The following ZDHHC2 variants were observed in gnomAD, a reference collection of about 807,000 sequenced individuals.
ZDHHC2 encodes palmitoyltransferase ZDHHC2.
A neutral mutation model predicts 55.6 loss-of-function variants in ZDHHC2; 51 were observed. That is an observed-to-expected ratio of 0.92 (90% CI 0.73 to 1.16). The LOEUF is 1.16. Among genes scored for constraint, ZDHHC2 ranks in the 50% most tolerant of loss-of-function variants. ZDHHC2 has a pLI of 0.00. For missense variants in ZDHHC2, 491 were observed against 442.4 expected (o/e 1.11, Z -0.99); for synonymous variants, 199 against 152.9 (o/e 1.30, Z -2.22).
chr8:17,182,466 C>T (rs779940348), intron 1 of ZDHHC2, among the ~76,000 whole-genome samples: 3 of 152,026 alleles, frequency 2.0e-5, no homozygotes, highest in Non-Finnish European at 4.4e-5. Flanking sequence ...GAAATTGAAC[C>T]GGCTCATAAT....
At chr8:17,183,317 T>C (rs976200247) in intron 1 of ZDHHC2, among the ~76,000 whole-genome samples, 7 of 152,074 alleles carry the variant, frequency 4.6e-5, no homozygotes, top group African/African-American at 1.7e-4. Context: ...CAGGGTGTAG[T>C]CAGTGTCTAG....
At chr8:17,178,184 G>A (rs999595761) in intron 1 of ZDHHC2, among the ~76,000 whole-genome samples, 2 of 152,026 alleles carry the variant, frequency 1.3e-5, no homozygotes, top group Admixed American at 1.3e-4. Flanking sequence ...AGTTTACTAG[G>A]CTGCTGTATC....
chr8:17,175,461 T>C (rs1393496562), intron 1 of ZDHHC2, among the ~76,000 whole-genome samples: 1 of 152,212 alleles, frequency 6.6e-6, no homozygotes, highest in African/African-American at 2.4e-5. Flanking sequence ...ATGCTAATTA[T>C]TCACTATGCA....
rs541300363 is a variant in ZDHHC2 at position 17,218,244 on chromosome 8, C to G, written c.*34+998C>G. Reference sequence around the variant, plus strand: ...ATTTCATCTGAATTTGATTAAATAGCAAAGACATTATTAAATTTCTGAAAA... The same window carrying G: ...ATTTCATCTGAATTTGATTAAATAGGAAAGACATTATTAAATTTCTGAAAA... On this transcript the variant is annotated intron_variant, in intron 12 of 12. Coordinates refer to ENST00000262096, the MANE Select transcript of ZDHHC2 (RefSeq NM_016353.5). 1.1e-4 allele frequency among the ~76,000 whole-genome samples: 16 copies of G among 152,202 alleles called. No homozygotes were observed. The South Asian group carries it at 1.9e-3, about 18-fold the overall frequency.
At chr8:17,164,551 C>G (rs1285753671) in intron 1 of ZDHHC2, among the ~76,000 whole-genome samples, 5 of 151,528 alleles carry the variant, frequency 3.3e-5, no homozygotes, top group South Asian at 2.1e-4. Flanking sequence ...CCCAGAGGAA[C>G]AGAGTGGTGC....
In ZDHHC2 at chr8:17,221,903, C is replaced by T. The variant is rs1585754679; in HGVS notation, c.*1682C>T. ...AAATACCTAAAGTGCCAGACCGGAA[C>T]CTATAGCTACTGCTAGAAGTCTTAA... On this transcript the variant is annotated 3_prime_UTR_variant, in exon 13 of 13. Transcript: ENST00000262096. 1 of 150,854 alleles carries T rather than the reference C, an allele frequency of 6.6e-6. No homozygotes were observed. Among genetic ancestry groups the T allele is most frequent in the South Asian group, 2.1e-4 (1 of 4,796 alleles). The allele number at this position is 150,854 out of a possible 1,614,324, so 9.3% of individuals were successfully genotyped here.
At chr8:17,188,722 G>A (rs1805859289) in intron 3 of ZDHHC2, among the ~76,000 whole-genome samples, 1 of 152,134 alleles carries the variant, frequency 6.6e-6, no homozygotes, top group African/African-American at 2.4e-5. Flanking sequence ...TATTAGCCTG[G>A]TGCTTGCTAA....
intron 1 of ZDHHC2, among the ~76,000 whole-genome samples, chr8:17,175,973 C>T (rs1405052784): frequency 2.6e-5 from 4 of 152,062 alleles, no homozygotes; most frequent in Admixed American, 6.6e-5. Context: ...GCTTAGTGAG[C>T]AAAGGGACTA....
chr8:17,215,616 A>G (rs1807610351), intron 11 of ZDHHC2, among the ~76,000 whole-genome samples: 2 of 152,244 alleles, frequency 1.3e-5, no homozygotes, highest in South Asian at 2.1e-4. Context: ...CTCAAATAAA[A>G]TGATAGAAGT....
Position 17,210,389 on chromosome 8 carries a change from C to A in ZDHHC2, c.859C>A (p.Leu287Ile). 2 of 1,612,290 alleles carry A rather than the reference C, an allele frequency of 1.2e-6. No individual in the cohort carries two copies. The highest frequency in any genetic ancestry group is 1.3e-5 in the African/African-American group (1 of 74,910). The part of the protein sequence containing the change: ...KYWLLPIFSS[L>I]GDGCSFPTCL... ...TCTAAATTTTTATTTTAATTCTAGT[C>A]TAGGTGATGGCTGCTCCTTTCCAAC... Residue 287 changes from leucine (L) to isoleucine (I), a missense_variant and splice_region_variant, in exon 10 of 13, where the codon CTA becomes ATA. Leu to Ile is a conservative substitution (Grantham distance 5). Coordinates refer to ENST00000262096, the MANE Select transcript of ZDHHC2 (RefSeq NM_016353.5).
Position 17,215,233 on chromosome 8 carries a change from T to C in ZDHHC2, c.951-4T>C. Reference sequence around the variant, plus strand: ...ATTTTGATGATTATTCAATTATTATTCAGTCTCGAAAACCATCAGTTTCCT... The same window carrying C: ...ATTTTGATGATTATTCAATTATTATCCAGTCTCGAAAACCATCAGTTTCCT... On this transcript the variant is annotated splice_region_variant and splice_polypyrimidine_tract_variant and intron_variant, in intron 10 of 12. Coordinates refer to ENST00000262096, the MANE Select transcript of ZDHHC2 (RefSeq NM_016353.5). 6.4e-7 allele frequency: 1 copy of C among 1,570,788 alleles called. No individual in the cohort carries two copies. The highest frequency in any genetic ancestry group is 8.6e-7 in the Non-Finnish European group (1 of 1,157,276).
At chr8:17,200,896 C>T (rs1458928623) in intron 6 of ZDHHC2, among the ~76,000 whole-genome samples, 1 of 152,146 alleles carries the variant, frequency 6.6e-6, no homozygotes, top group Non-Finnish European at 1.5e-5. Flanking sequence ...TTGTTCACTT[C>T]CCCATCACTT....
chr8:17,199,815 G>A (rs4922270), intron 6 of ZDHHC2, among the ~76,000 whole-genome samples: 34,060 of 145,054 alleles, frequency 0.23, 4,123 homozygotes, highest in Admixed American at 0.32. Flanking sequence ...GCTGGAGTGC[G>A]GTAGCGTGAT....
intron 6 of ZDHHC2, among the ~76,000 whole-genome samples, chr8:17,203,504 G>T (rs2150935807): frequency 6.6e-6 from 1 of 152,260 alleles, no homozygotes; most frequent in South Asian, 2.1e-4. Flanking sequence ...AAAGTGCTGG[G>T]ATTACAGGCG....
Position 17,209,919 on chromosome 8 carries a change from CA to C in ZDHHC2, c.731-12del. ...TTCTTTACTCATGTGATTCCTTTAC[CA>C]TCTTTTTTTAGAGGCATTCAGAAGT... On this transcript the variant is annotated splice_polypyrimidine_tract_variant and intron_variant, in intron 8 of 12. Coordinates refer to ENST00000262096, the MANE Select transcript of ZDHHC2 (RefSeq NM_016353.5). 2 of 1,599,898 alleles carry C rather than the reference CA, an allele frequency of 1.3e-6. No individual in the cohort carries two copies. The highest frequency in any genetic ancestry group is 1.7e-6 in the Non-Finnish European group (2 of 1,174,210).
chr8:17,181,637 T>C (rs149812041), intron 1 of ZDHHC2, among the ~76,000 whole-genome samples: 2 of 152,304 alleles, frequency 1.3e-5, no homozygotes, highest in East Asian at 3.9e-4. Flanking sequence ...AAATTCTGTC[T>C]GTGAAGTAAG....
intron 1 of ZDHHC2, among the ~76,000 whole-genome samples, chr8:17,175,864 A>G (rs1463624691): frequency 6.6e-6 from 1 of 152,212 alleles, no homozygotes; most frequent in African/African-American, 2.4e-5. Context: ...AGGAAGAGAA[A>G]GAAGGAGCCA....
At chr8:17,213,280 G>C (rs914933913) in intron 10 of ZDHHC2, among the ~76,000 whole-genome samples, 1 of 150,016 alleles carries the variant, frequency 6.7e-6, no homozygotes, top group Non-Finnish European at 1.5e-5. Flanking sequence ...TTTTGAGACA[G>C]TCTCATTCTA....
chr8:17,222,331 A>G lies in ZDHHC2; in HGVS notation c.*2110A>G, dbSNP rs147305441. 2 of 151,880 alleles carry G rather than the reference A, an allele frequency of 1.3e-5. No homozygotes were observed. The highest frequency in any genetic ancestry group is 4.8e-5 in the African/African-American group (2 of 41,528). 9.4% of individuals were successfully genotyped at this position (151,880 alleles called of 1,614,324 possible). On this transcript the variant is annotated 3_prime_UTR_variant, in exon 13 of 13. Coordinates refer to ENST00000262096, the MANE Select transcript of ZDHHC2 (RefSeq NM_016353.5). Reference sequence around the variant, plus strand: ...GATTGCATATCTCATTAGATATGCAATATAAATTTATCTGAGTGAACAAAG... The same window carrying G: ...GATTGCATATCTCATTAGATATGCAGTATAAATTTATCTGAGTGAACAAAG...
Sources: gnomAD v4.1 joint callset for allele counts (sites outside exome capture counted in the v4.1 genomes callset) on GRCh38, gnomAD v4.1.1 for gene constraint, MANE v1.5 for transcripts, NCBI Gene and HGNC (gene_info 2026-07-23, HGNC 2026-07-21) for gene names.